MCF2L: variants seen among roughly 807,000 people sequenced by gnomAD.
MCF2L encodes the protein MCF.2 cell line derived transforming sequence like.
In MCF2L, 97 loss-of-function variants were observed where a neutral mutation model predicts 153.4. The observed-to-expected ratio is 0.63, with a 90% CI of 0.54 to 0.75. MCF2L has a LOEUF of 0.75. MCF2L is among the 30% of genes least tolerant of loss of function. The pLI is 0.00. For missense variants in MCF2L, 1,347 were observed against 1,495.2 expected, an observed-to-expected ratio of 0.90 and a Z score of 1.64; for synonymous variants, 659 against 632.2, an observed-to-expected ratio of 1.04 and a Z score of -0.64.
At chr13:113,078,770 G>C in intron 15 of MCF2L, 31 bp downstream of exon 15, 1 of 1,570,086 alleles carries the variant, frequency 6.4e-7, no homozygotes, top group African/African-American at 1.3e-5. Flanking sequence ...TCCTCACAGG[G>C]GCCCTCCGAC....
intron 1 of MCF2L, among the ~76,000 whole-genome samples, chr13:113,002,781 G>T (rs1393939548): frequency 6.6e-6 from 1 of 152,220 alleles, no homozygotes; most frequent in African/African-American, 2.4e-5. Context: ...AAGTATTGAT[G>T]AATAATTCAT....
At position 113,066,119 on chromosome 13, in the gene MCF2L, C is replaced by T. The variant is rs2032323261; in HGVS notation, c.830C>T (p.Ser277Leu). The T allele has an allele frequency of 6.2e-7, 1 of 1,613,274 alleles. No homozygotes were observed. The change falls in exon 8 of 30, where the codon TCA becomes TTA. Residue 277 changes from serine to leucine, a missense_variant. Ser to Leu is a moderately radical substitution (Grantham distance 145, BLOSUM62 -2). This residue lies in a region of MCF2L where 820 missense variants were observed against 921.2 expected (regional missense o/e 0.89). Coordinates refer to ENST00000535094, the MANE Select transcript of MCF2L (RefSeq NM_001112732.3). Reference sequence around the variant, plus strand: ...CTCAGGGAGCTGCAGGCTGAGGGCTCAGAGCCCAGTGTGAACCAGGACCAG... The same window carrying T: ...CTCAGGGAGCTGCAGGCTGAGGGCTTAGAGCCCAGTGTGAACCAGGACCAG... ...ESLRELQAEG[S>L]EPSVNQDQLD...
intron 2 of MCF2L, among the ~76,000 whole-genome samples, chr13:112,903,160 ATCC>A (rs1413445509): frequency 6.6e-6 from 1 of 152,234 alleles, no homozygotes; most frequent in Non-Finnish European, 1.5e-5. Flanking sequence ...TGCAAAATCC[ATCC>A]TCTGGCTGGA....
In MCF2L at chr13:113,087,732, A is replaced by T; in HGVS notation, c.2621A>T (p.Asn874Ile). The change falls in exon 23 of 30, where the codon AAC (asparagine) becomes ATC (isoleucine). Residue 874 changes from asparagine (N) to isoleucine (I), a missense_variant. By Grantham distance (149) the Asn-to-Ile change is moderately radical. Around this residue, in one of 3 missense-constraint regions of MCF2L, gnomAD observed 144 missense variants for 238.7 expected, o/e 0.60. Coordinates refer to ENST00000535094, the MANE Select transcript of MCF2L (RefSeq NM_001112732.3). Reference sequence around the variant, plus strand: ...ATGGCTGCCGTTGGCATTACGGAGAACGTGAAGGGAGATGCTAAGAAGTTC... The same window carrying T: ...ATGGCTGCCGTTGGCATTACGGAGATCGTGAAGGGAGATGCTAAGAAGTTC... Reference protein sequence around the residue: ...LNMAAVGITENVKGDAKKFEI... With the variant: ...LNMAAVGITEIVKGDAKKFEI... The T allele has an allele frequency of 6.2e-7, 1 of 1,614,090 alleles. No homozygotes were observed. The highest frequency in any genetic ancestry group is 8.5e-7 in the Non-Finnish European group (1 of 1,180,024).
intron 2 of MCF2L, among the ~76,000 whole-genome samples, chr13:112,926,386 G>T (rs1409890517): frequency 6.6e-6 from 1 of 151,646 alleles, no homozygotes; most frequent in Admixed American, 6.6e-5. Flanking sequence ...ACAGTGGAGT[G>T]CAGTACGGCC....
rs953165328 is a variant in MCF2L at position 113,045,516 on chromosome 13, C to CT, written c.369+156dup. ...GTGGAGGCCGGCGCCAAGGCCCCCC[C>CT]TGCTTGGGCTCCCAAGGCACTGGTG... On this transcript the variant is annotated intron_variant, in intron 4 of 29. Transcript: ENST00000535094. The surrounding 1 kb of genome is among the most constrained non-coding windows in gnomAD (Gnocchi z 4.2). The CT allele has an allele frequency of 3.2e-5, 21 of 657,508 alleles. No homozygotes were observed. The African/African-American group carries it at 3.4e-4, about 11-fold the overall frequency. 40.7% of individuals were successfully genotyped at this position (657,508 alleles called of 1,614,324 possible).
chr13:113,096,740 C>A (rs747075829), intron 29 of MCF2L, 34 bp from the exon 30 acceptor site: 2 of 1,553,948 alleles, frequency 1.3e-6, no homozygotes, highest in Non-Finnish European at 1.7e-6. Flanking sequence ...GCAGAGCCGA[C>A]GCCGAAGCCC....
chr13:112,910,284 C>A lies in MCF2L; in HGVS notation c.169+7913C>A, dbSNP rs1254451014. ...AACAACTGATGTCAGTAAAAGTCTT[C>A]AAATATTTTTAGTTTTCGTCAGCAA... On this transcript the variant is annotated intron_variant, in intron 2 of 29. Coordinates refer to the MCF2L transcript ENST00000375608. 2.6e-5 allele frequency: 4 copies of A among 152,166 alleles called. No homozygotes were observed. The East Asian group carries it at 7.7e-4, about 29-fold the overall frequency. The allele number at this position is 152,166 out of a possible 1,614,324, so 9.4% of individuals were successfully genotyped here.
intron 4 of MCF2L, among the ~76,000 whole-genome samples, chr13:113,051,441 G>A (rs968092118): frequency 1.3e-5 from 2 of 152,192 alleles, no homozygotes; most frequent in African/African-American, 2.4e-5. Flanking sequence ...CTATTTAAAC[G>A]ACTGTCCTTC....
In MCF2L at chr13:113,095,327, G is replaced by A. The variant is rs1271931140; in HGVS notation, c.3075+692G>A. 3.4e-6 allele frequency: 4 copies of A among 1,173,730 alleles called. No individual in the cohort carries two copies. The East Asian group carries it at 2.6e-4, about 76-fold the overall frequency. The allele number at this position is 1,173,730 out of a possible 1,614,324, so 72.7% of individuals were successfully genotyped here. A position where few individuals can be genotyped will look rare whatever the true frequency, so the allele number is the denominator to read the frequency against. On this transcript the variant is annotated intron_variant, in intron 27 of 29. Coordinates refer to ENST00000535094, the MANE Select transcript of MCF2L (RefSeq NM_001112732.3). ...AAGGGCAGAGAAGCCAGGCGTGGAAGGGTAGGGAGAGCCCTCGGGGCCTCT... is the reference window on the plus strand; with the variant it reads ...AAGGGCAGAGAAGCCAGGCGTGGAAAGGTAGGGAGAGCCCTCGGGGCCTCT...
chr13:112,939,345 C>T (rs916380968), intron 2 of MCF2L, among the ~76,000 whole-genome samples: 5 of 152,152 alleles, frequency 3.3e-5, no homozygotes, highest in African/African-American at 7.2e-5. Context: ...CAGCAGCATC[C>T]CTGGACCCTA....
rs867236913 is a variant in MCF2L at position 112,922,545 on chromosome 13, C to A, written c.169+20174C>A. 7.3e-4 allele frequency among the ~76,000 whole-genome samples: 109 copies of A among 148,340 alleles called. 1 individual carries two copies. In the Middle Eastern group the frequency reaches 0.01, roughly 14 times the overall value. ...TCACAACACATAAAAAAAAAAAAAA[C>A]CCATCAGCCAGGCGCAGTGGCTCAC... is the stretch of plus-strand genomic sequence containing the variant. On this transcript the variant is annotated intron_variant, in intron 2 of 29. Transcript: ENST00000375608.
chr13:113,089,588 T>C (rs1284669261), intron 25 of MCF2L, 22 bp from the exon 26 acceptor site: 4 of 1,530,754 alleles, frequency 2.6e-6, no homozygotes, highest in Non-Finnish European at 3.6e-6. Context: ...TATTTCCTTT[T>C]TGATTTGTCT....
chr13:112,896,166 AG>A (rs2081065898), intron 1 of MCF2L, among the ~76,000 whole-genome samples: 1 of 152,220 alleles, frequency 6.6e-6, no homozygotes, highest in Admixed American at 6.5e-5. Flanking sequence ...GCAGAGGGGA[AG>A]GGGCACAGTC....
At position 112,993,411 on chromosome 13, in the gene MCF2L, T is replaced by C. The variant is rs1195637836; in HGVS notation, c.80-21352T>C. On this transcript the variant is annotated intron_variant, in intron 1 of 29. Transcript: ENST00000535094. This position sits in a 1 kb window ranked among gnomAD's most constrained non-coding sequence, Gnocchi z 4.6. ...CCGCCAGGAGGGCTTTTAGGAGATA[T>C]GTGAAATGAGACTCAGCTTTCAGCA... is the stretch of plus-strand genomic sequence containing the variant. Among the ~76,000 whole-genome samples, 5 of 151,880 alleles carry C rather than the reference T, an allele frequency of 3.3e-5. No individual in the cohort carries two copies. Among genetic ancestry groups the C allele is most frequent in the Admixed American group, 1.3e-4 (2 of 15,256 alleles).
At chr13:112,953,661 CTA>C (rs1022462442) in intron 2 of MCF2L, among the ~76,000 whole-genome samples, 1 of 152,236 alleles carries the variant, frequency 6.6e-6, no homozygotes, top group Non-Finnish European at 1.5e-5. Flanking sequence ...CCAGCTCAGT[CTA>C]TGTTTTGTCT....
At position 113,064,502 on chromosome 13, in the gene MCF2L, C is replaced by A; in HGVS notation, c.606+82C>A. 1 of 872,312 alleles carries A rather than the reference C, an allele frequency of 1.1e-6. No homozygotes were observed. The highest frequency in any genetic ancestry group is 1.4e-5 in the South Asian group (1 of 73,576). 54.0% of individuals were successfully genotyped at this position (872,312 alleles called of 1,614,324 possible). On this transcript the variant is annotated intron_variant, in intron 6 of 29. Coordinates refer to ENST00000535094, the MANE Select transcript of MCF2L (RefSeq NM_001112732.3). This position sits in a 1 kb window ranked among gnomAD's most constrained non-coding sequence, Gnocchi z 6.0. ...AATCGCTCTTGCATTACAACACGGC[C>A]CTTTCCAAAAACACATTCACATTAA...
upstream of MCF2L, among the ~76,000 whole-genome samples, chr13:112,964,309 AGT>A (rs2081867863): frequency 6.6e-6 from 1 of 152,218 alleles, no homozygotes; most frequent in Non-Finnish European, 1.5e-5. Context: ...CTCTAGCTTA[AGT>A]GAGTTTGCCT....
intron 2 of MCF2L, among the ~76,000 whole-genome samples, chr13:112,905,254 T>C (rs938993477): frequency 1.3e-5 from 2 of 152,178 alleles, no homozygotes; most frequent in African/African-American, 4.8e-5. Flanking sequence ...ACGCAGCCAG[T>C]CCCTGCTACT....
Sources: allele counts gnomAD v4.1 joint callset (sites outside exome capture counted in the v4.1 genomes callset), GRCh38; gene constraint gnomAD v4.1.1; regional missense constraint gnomAD v4.1.1; non-coding constraint Gnocchi (gnomAD v3.1); transcripts MANE v1.5; gene names NCBI Gene and HGNC (gene_info 2026-07-23, HGNC 2026-07-21).